The following FHL5 variants were observed in gnomAD, a reference collection of about 807,000 sequenced individuals.
FHL5 encodes the protein four and a half LIM domains 5.
In FHL5, 33 loss-of-function variants were observed where a neutral mutation model predicts 32.0. The observed-to-expected ratio is 1.03, with a 90% CI of 0.78 to 1.38. The LOEUF is 1.38. FHL5 is among the 40% of genes most tolerant of loss of function. FHL5 has a pLI of 0.00. For synonymous variants in FHL5, 114 were observed against 113.6 expected, an observed-to-expected ratio of 1.00 and a Z score of -0.02; for missense variants, 336 against 343.9, an observed-to-expected ratio of 0.98 and a Z score of 0.18.
intron 1 of FHL5, among the ~76,000 whole-genome samples, chr6:96,583,769 GC>G (rs1361933772): frequency 3.3e-5 from 5 of 151,962 alleles, no homozygotes; most frequent in Admixed American, 6.6e-5. Flanking sequence ...AACTCTCCCT[GC>G]CATGGCAGGA....
chr6:96,600,823 C>T (rs536296632), intron 1 of FHL5, among the ~76,000 whole-genome samples: 14 of 152,278 alleles, frequency 9.2e-5, no homozygotes, highest in South Asian at 2.1e-4. Flanking sequence ...TACTAAGATA[C>T]GAGCTATAAG....
chr6:96,587,763 A>C (rs1000815422), intron 1 of FHL5, among the ~76,000 whole-genome samples: 1 of 152,254 alleles, frequency 6.6e-6, no homozygotes, highest in Admixed American at 6.5e-5. Flanking sequence ...TTAAAAATAA[A>C]AGCACATATT....
At chr6:96,605,392 A>G (rs1771253172) in intron 3 of FHL5, among the ~76,000 whole-genome samples, 1 of 152,198 alleles carries the variant, frequency 6.6e-6, no homozygotes. Context: ...GGCAAGGACT[A>G]ATTCTTTATA....
At chr6:96,596,586 G>A (rs764596067) in intron 1 of FHL5, among the ~76,000 whole-genome samples, 5 of 150,702 alleles carry the variant, frequency 3.3e-5, no homozygotes, top group Non-Finnish European at 7.4e-5. Flanking sequence ...CACATAACAT[G>A]CATTTATCCG....
chr6:96,593,139 A>C (rs1304915841), intron 1 of FHL5, among the ~76,000 whole-genome samples: 4 of 151,982 alleles, frequency 2.6e-5, no homozygotes, highest in Non-Finnish European at 1.5e-5. Flanking sequence ...TATGTCCCTA[A>C]TTTAAATCAT....
At chr6:96,577,733 T>G (rs1483935669) in intron 1 of FHL5, among the ~76,000 whole-genome samples, 1 of 152,214 alleles carries the variant, frequency 6.6e-6, no homozygotes, top group Non-Finnish European at 1.5e-5. Context: ...AATTAAAACT[T>G]AGAAGGATAG....
In FHL5 at chr6:96,563,488, A is replaced by G. The variant is rs113334071; in HGVS notation, c.-13+133A>G. On this transcript the variant is annotated intron_variant, in intron 1 of 5. Coordinates refer to ENST00000450218, the MANE Select transcript of FHL5 (RefSeq NM_001322466.2). ...TAAGAGAAAACTTTTGCTTGGCAAA[A>G]GTGTATGCCTTTTGAAGTTTCTTAG... The G allele has an allele frequency of 2.0e-5, 3 of 152,096 alleles. No homozygotes were observed. In the South Asian group the frequency reaches 6.2e-4, roughly 32 times the overall value. 9.4% of individuals were successfully genotyped at this position (152,096 alleles called of 1,614,324 possible). A position where few individuals can be genotyped will look rare whatever the true frequency, so the allele number is the denominator to read the frequency against.
At chr6:96,570,617 A>G (rs967101702) in intron 1 of FHL5, among the ~76,000 whole-genome samples, 2 of 152,178 alleles carry the variant, frequency 1.3e-5, no homozygotes, top group African/African-American at 4.8e-5. Flanking sequence ...TGGAAATTCC[A>G]TAATACAAAT....
chr6:96,581,423 C>T (rs1002503676), intron 1 of FHL5, among the ~76,000 whole-genome samples: 5 of 152,156 alleles, frequency 3.3e-5, no homozygotes, highest in African/African-American at 1.2e-4. Context: ...AAAACACACA[C>T]TTCCAGACCA....
chr6:96,606,696 C>T (rs146608689), intron 4 of FHL5, among the ~76,000 whole-genome samples: 1 of 152,236 alleles, frequency 6.6e-6, no homozygotes, highest in Admixed American at 6.5e-5. Flanking sequence ...TGGGAGAAAG[C>T]ACAGGTCTCT....
At chr6:96,610,004 G>T (rs1290102179) in intron 4 of FHL5, among the ~76,000 whole-genome samples, 1 of 152,184 alleles carries the variant, frequency 6.6e-6, no homozygotes. Context: ...AGCAAATAAT[G>T]GTGCTTACCA....
intron 1 of FHL5, among the ~76,000 whole-genome samples, chr6:96,587,640 TC>T (rs1770826153): frequency 6.6e-6 from 1 of 152,174 alleles, no homozygotes; most frequent in South Asian, 2.1e-4. Flanking sequence ...AAAGAAAACA[TC>T]CCCTTTATAT....
At chr6:96,569,183 T>C (rs1039284148) in intron 1 of FHL5, among the ~76,000 whole-genome samples, 2 of 152,084 alleles carry the variant, frequency 1.3e-5, no homozygotes. Context: ...AATCTTCCTC[T>C]TAATTTCTTC....
At chr6:96,586,794 T>TA (rs1021709824) in intron 1 of FHL5, among the ~76,000 whole-genome samples, 2 of 151,092 alleles carry the variant, frequency 1.3e-5, no homozygotes, top group African/African-American at 4.9e-5. Context: ...CAATTCTGAC[T>TA]AAAAAAAAAT....
intron 4 of FHL5, 65 bp downstream of exon 4, chr6:96,606,136 AT>A: frequency 7.3e-7 from 1 of 1,364,478 alleles, no homozygotes; most frequent in Non-Finnish European, 1.0e-6. Context: ...TGTATCATAT[AT>A]TTAGAATGAA....
chr6:96,604,421 T>C (rs1429184266), intron 2 of FHL5, among the ~76,000 whole-genome samples: 2 of 152,004 alleles, frequency 1.3e-5, no homozygotes. Flanking sequence ...TAATAGAACA[T>C]TGCACCCTAA....
intron 1 of FHL5, among the ~76,000 whole-genome samples, chr6:96,584,690 T>C (rs977203118): frequency 1.3e-5 from 2 of 152,116 alleles, no homozygotes; most frequent in African/African-American, 4.8e-5. Flanking sequence ...TCTGGAATTC[T>C]CCAGGAAAAT....
At chr6:96,589,947 C>A (rs1483143618) in intron 1 of FHL5, among the ~76,000 whole-genome samples, 1 of 152,030 alleles carries the variant, frequency 6.6e-6, no homozygotes, top group African/African-American at 2.4e-5. Flanking sequence ...CTTCGTTATT[C>A]CTCACTGTCC....
At chr6:96,573,617 GT>G (rs774060473) in intron 1 of FHL5, among the ~76,000 whole-genome samples, 10 of 149,728 alleles carry the variant, frequency 6.7e-5, no homozygotes, top group Non-Finnish European at 1.2e-4. Flanking sequence ...CACCTCCCGG[GT>G]TCACGCCATT....
Sources: allele counts gnomAD v4.1 joint callset (sites outside exome capture counted in the v4.1 genomes callset), GRCh38; gene constraint gnomAD v4.1.1; transcripts MANE v1.5; gene names NCBI Gene and HGNC (gene_info 2026-07-23, HGNC 2026-07-21).